The following RYR3 variants were observed in gnomAD, a reference collection of about 807,000 sequenced individuals.
RYR3 encodes ryanodine receptor 3, also known as brain ryanodine receptor-calcium release channel.
In RYR3, 207 loss-of-function variants were observed where a neutral mutation model predicts 584.3. That is an observed-to-expected ratio of 0.35 (90% CI 0.32 to 0.40). The LOEUF is 0.40. Among genes scored for constraint, RYR3 ranks in the 10% least tolerant of loss-of-function variants. RYR3 has a pLI of 1.00. For missense variants in RYR3, 5,616 were observed against 6,089.2 expected, an observed-to-expected ratio of 0.92 and a Z score of 2.59; for synonymous variants, 2,416 against 2,248.5, an observed-to-expected ratio of 1.07 and a Z score of -2.11.
At chr15:33,798,096 A>T (rs141711968) in intron 67 of RYR3, among the ~76,000 whole-genome samples, 4 of 151,048 alleles carry the variant, frequency 2.6e-5, no homozygotes, top group Admixed American at 6.6e-5. Flanking sequence ...TTATTTATTT[A>T]TTTTTTTTGA....
At chr15:33,738,371 A>T in intron 49 of RYR3, 79 bp from the exon 50 acceptor site, 7 of 1,390,462 alleles carry the variant, frequency 5.0e-6, no homozygotes, top group Non-Finnish European at 6.9e-6. Flanking sequence ...TTACTACTTG[A>T]TTCTCTCCTG....
chr15:33,478,969 TGTAA>T, intron 2 of RYR3, among the ~76,000 whole-genome samples: 1 of 152,370 alleles, frequency 6.6e-6, no homozygotes, highest in Admixed American at 6.5e-5. Context: ...GCTGTAGGTA[TGTAA>T]CAGTGAAGTC....
At chr15:33,461,146 G>A (rs952028085) in intron 1 of RYR3, among the ~76,000 whole-genome samples, 6 of 151,510 alleles carry the variant, frequency 4.0e-5, no homozygotes, top group Non-Finnish European at 7.4e-5. Context: ...GGGTTTCACC[G>A]TGTTAGCCAG....
chr15:33,760,052 G>A (rs2072272822), intron 60 of RYR3, among the ~76,000 whole-genome samples: 1 of 152,132 alleles, frequency 6.6e-6, no homozygotes, highest in Non-Finnish European at 1.5e-5. Context: ...CATAACTGAA[G>A]AAGAAATAAA....
intron 102 of RYR3, among the ~76,000 whole-genome samples, chr15:33,863,405 T>G (rs1037911675): frequency 6.6e-6 from 1 of 152,152 alleles, no homozygotes; most frequent in South Asian, 2.1e-4. Context: ...GAACTCAAGA[T>G]CTGGGGCTTA....
intron 43 of RYR3, among the ~76,000 whole-genome samples, chr15:33,718,443 C>T (rs913074851): frequency 6.6e-6 from 1 of 152,148 alleles, no homozygotes; most frequent in African/African-American, 2.4e-5. Context: ...AGACACAAGG[C>T]CCTGTTCTCA....
intron 1 of RYR3, among the ~76,000 whole-genome samples, chr15:33,411,723 T>C (rs891525887): frequency 9.8e-5 from 15 of 152,328 alleles, no homozygotes; most frequent in African/African-American, 3.4e-4. Flanking sequence ...TATCTGAGGT[T>C]TGGAGCTTTC....
At chr15:33,496,333 A>G (rs2051421533) in intron 2 of RYR3, among the ~76,000 whole-genome samples, 1 of 152,182 alleles carries the variant, frequency 6.6e-6, no homozygotes, top group South Asian at 2.1e-4. Context: ...GTGTCTACAC[A>G]ATCTGAAATC....
chr15:33,585,542 C>A (rs2058806537), intron 15 of RYR3, among the ~76,000 whole-genome samples: 1 of 152,110 alleles, frequency 6.6e-6, no homozygotes, highest in African/African-American at 2.4e-5. Flanking sequence ...AAAATAATTT[C>A]TAGGGTAGTT....
rs753982850 is a variant in RYR3 at position 33,613,287 on chromosome 15, A to G, written c.2269A>G (p.Ile757Val). ...CGGGGTGCCCAGCATCTCATTCCGC[A>G]TCAATGGGCAGCCCGTGCAGGGGAT... ...DLGVPSISFRINGQPVQGMFE... is the reference protein window; with the variant it reads ...DLGVPSISFRVNGQPVQGMFE... Residue 757 changes from isoleucine (I) to valine (V), a missense_variant, in exon 19 of 104, where the codon ATC (isoleucine) becomes GTC (valine). Ile to Val is a conservative substitution (Grantham distance 29, BLOSUM62 3). This residue lies in a region of RYR3 where 1,284 missense variants were observed against 1,344.6 expected (regional missense o/e 0.95). Transcript: ENST00000634891. 1 of 1,613,956 alleles carries G rather than the reference A, an allele frequency of 6.2e-7. No individual in the cohort carries two copies. Among genetic ancestry groups the G allele is most frequent in the East Asian group, 2.2e-5 (1 of 44,860 alleles).
intron 23 of RYR3, among the ~76,000 whole-genome samples, chr15:33,631,640 T>G (rs779450903): frequency 1.3e-5 from 2 of 152,212 alleles, no homozygotes; most frequent in Admixed American, 6.5e-5. Context: ...TCCTCTGGCA[T>G]TGGACCAGCC....
At chr15:33,593,902 A>G (rs902241259) in intron 16 of RYR3, among the ~76,000 whole-genome samples, 1 of 152,224 alleles carries the variant, frequency 6.6e-6, no homozygotes, top group Non-Finnish European at 1.5e-5. Flanking sequence ...ATTTGTATAC[A>G]GTGCAGCAAG....
intron 45 of RYR3, among the ~76,000 whole-genome samples, chr15:33,725,966 T>TCC (rs10645234): frequency 6.4e-5 from 1 of 15,740 alleles, no homozygotes; most frequent in African/African-American, 1.7e-4. Flanking sequence ...CAAGACTCCA[T>TCC]CCCCCCCCCC....
At chr15:33,601,351 A>G (rs568396944) in intron 16 of RYR3, 68 bp from the exon 17 acceptor site, 33 of 1,529,716 alleles carry the variant, frequency 2.2e-5, no homozygotes, top group Non-Finnish European at 2.6e-5. Flanking sequence ...TCCCTCATGC[A>G]TTGTGGTGGT....
intron 1 of RYR3, among the ~76,000 whole-genome samples, chr15:33,440,644 G>C (rs2046141835): frequency 6.6e-6 from 1 of 152,128 alleles, no homozygotes; most frequent in Non-Finnish European, 1.5e-5. Flanking sequence ...CATTATCAAA[G>C]TGATTCTCCA....
intron 29 of RYR3, among the ~76,000 whole-genome samples, chr15:33,646,910 G>A (rs6495196): frequency 0.037 from 5,690 of 152,248 alleles, 344 homozygotes; most frequent in African/African-American, 0.13. Context: ...TCTTTGCATA[G>A]CTATGGGCAT....
chr15:33,321,730 T>C (rs562396999), intron 1 of RYR3, among the ~76,000 whole-genome samples: 1 of 152,326 alleles, frequency 6.6e-6, no homozygotes, highest in South Asian at 2.1e-4. Flanking sequence ...GCAAGATTTC[T>C]TCAAATAATA....
At chr15:33,391,958 C>A (rs2042023383) in intron 1 of RYR3, among the ~76,000 whole-genome samples, 1 of 152,076 alleles carries the variant, frequency 6.6e-6, no homozygotes, top group Non-Finnish European at 1.5e-5. Flanking sequence ...CATCCTTCAG[C>A]CTTTTACTAA....
chr15:33,453,382 A>C (rs2047291202), intron 1 of RYR3, among the ~76,000 whole-genome samples: 1 of 152,150 alleles, frequency 6.6e-6, no homozygotes, highest in Admixed American at 6.6e-5. Context: ...ACTTTTGTGT[A>C]TTCTAGAACA....
Sources: gnomAD v4.1 joint callset for allele counts (sites outside exome capture counted in the v4.1 genomes callset) on GRCh38, gnomAD v4.1.1 for gene constraint, gnomAD v4.1.1 regional missense constraint, MANE v1.5 for transcripts, NCBI Gene and HGNC (gene_info 2026-07-23, HGNC 2026-07-21) for gene names.